NPHP1: variants seen among roughly 807,000 people sequenced by gnomAD.
NPHP1 encodes nephrocystin 1.
Under a neutral mutation model 90.4 loss-of-function variants are expected in NPHP1, and 70 were observed. That is an observed-to-expected ratio of 0.77 (90% CI 0.64 to 0.95). The LOEUF is 0.95. Among genes scored for constraint, NPHP1 ranks in the 40% least tolerant of loss-of-function variants. NPHP1 has a pLI of 0.00. For missense variants in NPHP1, 764 were observed against 795.9 expected (o/e 0.96, Z 0.48); for synonymous variants, 256 against 271.7 (o/e 0.94, Z 0.57).
In NPHP1 at chr2:110,184,629, C is replaced by T. The variant is rs770744123; in HGVS notation, c.144-4945G>A. 5.5e-5 allele frequency: 49 copies of T among 897,000 alleles called. 3 individuals are homozygous for T. Among genetic ancestry groups the T allele is most frequent in the African/African-American group, 9.7e-5 (6 of 61,914 alleles). The allele number at this position is 897,000 out of a possible 1,614,324, so 55.6% of individuals were successfully genotyped here. A position where few individuals can be genotyped will look rare whatever the true frequency, so the allele number is the denominator to read the frequency against. On this transcript the variant is annotated intron_variant, in intron 2 of 19. Transcript: ENST00000445609. ...TGACATCGCAAGCTGGAACATCTCT[C>T]GCTTCCTGCACCTCTACCTGCATAA...
In NPHP1 at chr2:110,169,736, G is replaced by A; in HGVS notation, c.522+70C>T. 2.0e-6 allele frequency: 2 copies of A among 1,012,782 alleles called. 1 individual carries two copies. The highest frequency in any genetic ancestry group is 3.2e-6 in the Non-Finnish European group (2 of 632,838). The allele number at this position is 1,012,782 out of a possible 1,614,324, so 62.7% of individuals were successfully genotyped here. The stretch of plus-strand genomic sequence containing the variant: ...AAGAATCTGTAATACAGGTGTACAG[G>A]CAGAGTTTTCTTATTCTGTTAGGTA... On this transcript the variant is annotated intron_variant, in intron 5 of 19. Coordinates refer to ENST00000445609, the MANE Select transcript of NPHP1 (RefSeq NM_001128178.3).
rs185756046 is a variant in NPHP1, at chr2:110,134,362, A to C, written c.1530-2571T>G. ...CAGTAATTTAAAAAATCTCCTGATA[A>C]AGAAAAGCCCAGCATCAGATGGCTT... On this transcript the variant is annotated intron_variant, in intron 16 of 19. Coordinates refer to ENST00000445609, the MANE Select transcript of NPHP1 (RefSeq NM_001128178.3). 1.1e-4 allele frequency among the ~76,000 whole-genome samples: 16 copies of C among 152,142 alleles called. No homozygotes were observed. In the East Asian group the frequency reaches 3.1e-3, roughly 29 times the overall value.
intron 9 of NPHP1, among the ~76,000 whole-genome samples, chr2:110,161,917 C>A (rs779581751): frequency 6.6e-6 from 1 of 152,074 alleles, no homozygotes; most frequent in Non-Finnish European, 1.5e-5. Flanking sequence ...TCTTAAAGCA[C>A]CTTTAAGAAA....
intron 4 of NPHP1, among the ~76,000 whole-genome samples, chr2:110,174,597 G>A (rs922337361): frequency 6.6e-6 from 1 of 151,978 alleles, no homozygotes; most frequent in Non-Finnish European, 1.5e-5. Context: ...TGAATTCATT[G>A]GCTCACTAAA....
intron 17 of NPHP1, 55 bp from the exon 18 acceptor site, chr2:110,129,314 A>G (rs1400860836): frequency 1.6e-6 from 2 of 1,244,424 alleles, no homozygotes; most frequent in African/African-American, 2.9e-5. Flanking sequence ...AATGGATTTT[A>G]TTGCAATAGA....
At chr2:110,139,996 TCTTA>T (rs1680511304) in intron 16 of NPHP1, among the ~76,000 whole-genome samples, 1 of 152,054 alleles carries the variant, frequency 6.6e-6, no homozygotes, top group Non-Finnish European at 1.5e-5. Context: ...GTGCCTAGTC[TCTTA>T]CCTTGAACCC....
At chr2:110,204,031 G>A (rs980816545) in intron 1 of NPHP1, among the ~76,000 whole-genome samples, 1 of 152,038 alleles carries the variant, frequency 6.6e-6, no homozygotes, top group African/African-American at 2.4e-5. Flanking sequence ...TCCCTTCTAT[G>A]CTGTTCTGTG....
At chr2:110,204,410 T>C (rs1480642663) in intron 1 of NPHP1, among the ~76,000 whole-genome samples, 1 of 152,198 alleles carries the variant, frequency 6.6e-6, no homozygotes, top group Non-Finnish European at 1.5e-5. Context: ...ATCTTAATGT[T>C]CTTGCATATT....
At chr2:110,136,667 TA>T (rs1680226544) in intron 16 of NPHP1, among the ~76,000 whole-genome samples, 1 of 151,952 alleles carries the variant, frequency 6.6e-6, no homozygotes, top group African/African-American at 2.4e-5. Context: ...CTCAATGAAA[TA>T]AAAGAGGATA....
intron 2 of NPHP1, chr2:110,184,579 C>T (rs1253391700): frequency 1.6e-6 from 2 of 1,253,300 alleles, no homozygotes; most frequent in Non-Finnish European, 2.3e-6. Context: ...CAGGGCTTTG[C>T]CATGCCCCAC....
At chr2:110,131,514 T>C (rs1679773146) in intron 17 of NPHP1, among the ~76,000 whole-genome samples, 165 bp downstream of exon 17, 1 of 152,198 alleles carries the variant, frequency 6.6e-6, no homozygotes, top group African/African-American at 2.4e-5. Context: ...GCTCAATGCT[T>C]TGGATCTGAA....
intron 2 of NPHP1, among the ~76,000 whole-genome samples, chr2:110,189,557 C>G (rs1684542562): frequency 6.6e-6 from 1 of 152,098 alleles, no homozygotes; most frequent in Admixed American, 6.5e-5. Context: ...AGATTTATTG[C>G]AAACAGCGAA....
chr2:110,164,577 C>CAT lies in NPHP1; in HGVS notation c.771+110_771+111insAT, dbSNP rs780945788. 1.9e-6 allele frequency: 3 copies of CAT among 1,604,452 alleles called. No individual in the cohort carries two copies. In the Admixed American group the frequency reaches 5.0e-5, roughly 27 times the overall value. On this transcript the variant is annotated intron_variant, in intron 8 of 19. Transcript: ENST00000445609. ...GTCCTCTGCTCTGTACATTCCATGCCCTGAACCCTGTTTCAGATCCATTGG... is the reference window on the plus strand; with the variant it reads ...GTCCTCTGCTCTGTACATTCCATGCCATCTGAACCCTGTTTCAGATCCATTGG...
chr2:110,204,902 G>T lies in NPHP1; in HGVS notation c.67C>A (p.Gln23Lys), dbSNP rs781727524. ...LRRRNQELKQ[Q>K]VDSLLSESQL... is the part of the protein sequence containing the mutation. The stretch of plus-strand genomic sequence containing the variant: ...CCCTCTGCACAGCCTGACCATACCT[G>T]TTGCTTCAGCTCCTGATTGCGGCGC... Residue 23 changes from glutamine (Q) to lysine (K), a missense_variant and splice_region_variant, in exon 1 of 20, where the codon CAG becomes AAG. By Grantham distance (53) the Gln-to-Lys change is moderately conservative. Transcript: ENST00000445609. 6.2e-7 allele frequency: 1 copy of T among 1,613,812 alleles called. No individual in the cohort carries two copies. Among genetic ancestry groups the T allele is most frequent in the Non-Finnish European group, 8.5e-7 (1 of 1,179,910 alleles).
rs1380336668 is a variant in NPHP1 at position 110,163,115 on chromosome 2, C to T, written c.792G>A (p.Val264=). ...AISEQINTVD[V]LTTMGAIPAG... is the part of the protein sequence containing the mutation. ...CAGGAATAGCTCCCATCGTAGTTAA[C>T]ACATCAACAGTGTTTATCTGCTGAA... The change falls in exon 9 of 20, where the codon GTG becomes GTA. Residue 264 remains valine, a synonymous_variant. Coordinates refer to ENST00000445609, the MANE Select transcript of NPHP1 (RefSeq NM_001128178.3). The T allele has an allele frequency of 2.7e-5, 44 of 1,612,548 alleles. No individual in the cohort carries two copies. Among genetic ancestry groups the T allele is most frequent in the Non-Finnish European group, 3.7e-5 (44 of 1,178,656 alleles).
At chr2:110,198,900 A>C (rs1685363344) in intron 2 of NPHP1, among the ~76,000 whole-genome samples, 2 of 152,112 alleles carry the variant, frequency 1.3e-5, no homozygotes, top group Admixed American at 1.3e-4. Flanking sequence ...TAATAAAGAA[A>C]ACCGGCAACG....
intron 2 of NPHP1, among the ~76,000 whole-genome samples, chr2:110,200,215 A>G (rs903725289): frequency 2.6e-5 from 4 of 151,826 alleles, no homozygotes; most frequent in African/African-American, 9.7e-5. Flanking sequence ...AGATCATGCC[A>G]CTGCACTCCA....
chr2:110,153,032 T>A (rs1181433182), intron 11 of NPHP1, among the ~76,000 whole-genome samples: 1 of 151,946 alleles, frequency 6.6e-6, no homozygotes, highest in Admixed American at 6.6e-5. Context: ...TTCTGAAAAC[T>A]GAAACACAAC....
intron 18 of NPHP1, chr2:110,127,629 A>T (rs1679460541): frequency 6.6e-6 from 1 of 151,854 alleles, no homozygotes. Flanking sequence ...GCACAACTTT[A>T]CCCTCATGCT....
Sources: gnomAD v4.1 joint callset for allele counts (sites outside exome capture counted in the v4.1 genomes callset) on GRCh38, gnomAD v4.1.1 for gene constraint, MANE v1.5 for transcripts, NCBI Gene and HGNC (gene_info 2026-07-23, HGNC 2026-07-21) for gene names.